The following CAMKMT variants were observed in gnomAD, a reference collection of about 807,000 sequenced individuals.
CAMKMT encodes calmodulin-lysine N-methyltransferase, also known as CaM KMT.
In CAMKMT, 53 loss-of-function variants were observed where a neutral mutation model predicts 48.0. The ratio of observed to expected loss-of-function variants is 1.10; its 90% CI spans 0.89 to 1.39. CAMKMT has a LOEUF of 1.39. CAMKMT is among the 40% of genes most tolerant of loss of function. The pLI, the probability that CAMKMT is intolerant of heterozygous loss-of-function variation, is 0.00. For synonymous variants in CAMKMT, 165 were observed against 152.3 expected, an observed-to-expected ratio of 1.08 and a Z score of -0.61; for missense variants, 428 against 402.7, an observed-to-expected ratio of 1.06 and a Z score of -0.54.
At chr2:44,629,104 G>C (rs111362285) in intron 3 of CAMKMT, among the ~76,000 whole-genome samples, 1 of 152,116 alleles carries the variant, frequency 6.6e-6, no homozygotes, top group Non-Finnish European at 1.5e-5. Context: ...CAATTACTGA[G>C]AGAAGAGTAG....
At chr2:44,446,580 A>G (rs928542057) in intron 3 of CAMKMT, among the ~76,000 whole-genome samples, 6 of 152,072 alleles carry the variant, frequency 3.9e-5, no homozygotes, top group African/African-American at 1.4e-4. Flanking sequence ...TCCTGGCCTC[A>G]AGTGATCCAC....
chr2:44,496,398 GCA>G (rs1669754414), intron 3 of CAMKMT, among the ~76,000 whole-genome samples: 1 of 152,150 alleles, frequency 6.6e-6, no homozygotes, highest in Admixed American at 6.5e-5. Flanking sequence ...AGAAACACGG[GCA>G]CCCTATTTAT....
intron 3 of CAMKMT, among the ~76,000 whole-genome samples, chr2:44,398,824 A>G (rs758050807): frequency 6.6e-6 from 1 of 152,136 alleles, no homozygotes; most frequent in Non-Finnish European, 1.5e-5. Flanking sequence ...AACTGTGTAT[A>G]TTGCACTGCT....
chr2:44,579,247 A>C (rs1275849406), intron 3 of CAMKMT, among the ~76,000 whole-genome samples: 1 of 151,804 alleles, frequency 6.6e-6, no homozygotes, highest in East Asian at 1.9e-4. Flanking sequence ...TTTTTGGAAC[A>C]AATTTGTTAC....
intron 3 of CAMKMT, among the ~76,000 whole-genome samples, chr2:44,502,494 A>G (rs1437088848): frequency 6.6e-6 from 1 of 152,192 alleles, no homozygotes; most frequent in African/African-American, 2.4e-5. Context: ...TCCATTCTCT[A>G]GAAATTAATC....
intron 3 of CAMKMT, among the ~76,000 whole-genome samples, chr2:44,428,795 C>G (rs915669474): frequency 6.6e-6 from 1 of 152,166 alleles, no homozygotes; most frequent in East Asian, 1.9e-4. Flanking sequence ...CCACCAGATA[C>G]AACTCCAAAT....
intron 8 of CAMKMT, among the ~76,000 whole-genome samples, chr2:44,747,956 A>G (rs971042204): frequency 6.6e-6 from 1 of 152,160 alleles, no homozygotes; most frequent in Non-Finnish European, 1.5e-5. Context: ...AACTGAAGTG[A>G]GAGTTAAAAT....
At chr2:44,593,661 G>A (rs750159457) in intron 3 of CAMKMT, among the ~76,000 whole-genome samples, 42 of 151,658 alleles carry the variant, frequency 2.8e-4, no homozygotes, top group Middle Eastern at 6.9e-3. Context: ...TATTATATTT[G>A]ATTTGTAGTT....
At chr2:44,423,936 T>C (rs1461330542) in intron 3 of CAMKMT, among the ~76,000 whole-genome samples, 1 of 152,156 alleles carries the variant, frequency 6.6e-6, no homozygotes, top group Non-Finnish European at 1.5e-5. Context: ...TTTTAGAAAA[T>C]TTATTGACCA....
At chr2:44,492,513 G>A (rs1228894796) in intron 3 of CAMKMT, among the ~76,000 whole-genome samples, 1 of 152,116 alleles carries the variant, frequency 6.6e-6, no homozygotes, top group Non-Finnish European at 1.5e-5. Context: ...TTGCAAGTAA[G>A]CAATGTAGGT....
chr2:44,538,021 T>G (rs1572744414), intron 3 of CAMKMT, among the ~76,000 whole-genome samples: 1 of 152,092 alleles, frequency 6.6e-6, no homozygotes, highest in African/African-American at 2.4e-5. Context: ...AGCAGCACAG[T>G]TCCAAATTGC....
At chr2:44,375,258 TCATC>T (rs1679566707) in intron 2 of CAMKMT, among the ~76,000 whole-genome samples, 2 of 151,758 alleles carry the variant, frequency 1.3e-5, no homozygotes, top group Non-Finnish European at 2.9e-5. Flanking sequence ...TGGAGTACTC[TCATC>T]TTCCTCTATA....
intron 9 of CAMKMT, among the ~76,000 whole-genome samples, chr2:44,761,114 A>G (rs1049550527): frequency 5.9e-5 from 9 of 152,324 alleles, no homozygotes; most frequent in Middle Eastern, 3.4e-3. Context: ...GAGGTGGCCA[A>G]CTGGGGAGGA....
intron 8 of CAMKMT, among the ~76,000 whole-genome samples, chr2:44,753,405 C>CAA (rs201960068): frequency 2.1e-4 from 14 of 65,716 alleles, no homozygotes; most frequent in Admixed American, 7.0e-4. Context: ...GTCTCAGAAA[C>CAA]AAAAAAAAAA....
chr2:44,699,218 A>C (rs1362182267), intron 3 of CAMKMT, among the ~76,000 whole-genome samples: 1 of 152,218 alleles, frequency 6.6e-6, no homozygotes, highest in African/African-American at 2.4e-5. Flanking sequence ...AAGATTTTCA[A>C]CTGACTTTGC....
At chr2:44,442,073 C>G (rs1463600476) in intron 3 of CAMKMT, among the ~76,000 whole-genome samples, 2 of 152,158 alleles carry the variant, frequency 1.3e-5, no homozygotes, top group East Asian at 3.8e-4. Context: ...TGCTACTAAA[C>G]AGATGTGCTG....
chr2:44,520,198 G>A lies in CAMKMT; in HGVS notation c.376+129893G>A, dbSNP rs1057003826. ...CACGCCACTGCACTCCAGCCTGGGC[G>A]ACAGAGCGAGACTCTGTCTCAAAAA... On this transcript the variant is annotated intron_variant, in intron 3 of 10. Coordinates refer to ENST00000378494, the MANE Select transcript of CAMKMT (RefSeq NM_024766.5). Among the ~76,000 whole-genome samples the A allele has an allele frequency of 5.3e-5, 8 of 152,120 alleles. No homozygotes were observed. The East Asian group carries it at 5.8e-4, about 11-fold the overall frequency.
intron 3 of CAMKMT, among the ~76,000 whole-genome samples, chr2:44,683,822 C>CAAA (rs10644183): frequency 0.32 from 22,873 of 70,516 alleles, 4,972 homozygotes; most frequent in Non-Finnish European, 0.36. Context: ...GACTCTGTCT[C>CAAA]AAAAAAAAAA....
intron 3 of CAMKMT, chr2:44,456,469 T>A: frequency 7.1e-7 from 1 of 1,417,846 alleles, no homozygotes; most frequent in Non-Finnish European, 9.5e-7. Context: ...TATAAATATG[T>A]ACATTCTTGT....
Sources: allele counts gnomAD v4.1 joint callset (sites outside exome capture counted in the v4.1 genomes callset), GRCh38; gene constraint gnomAD v4.1.1; transcripts MANE v1.5; gene names NCBI Gene and HGNC (gene_info 2026-07-23, HGNC 2026-07-21).